The following SAMD5 variants were observed in gnomAD, a reference collection of about 807,000 sequenced individuals.
SAMD5 encodes sterile alpha motif domain-containing protein 5.
In SAMD5, 13 loss-of-function variants were observed where a neutral mutation model predicts 11.3. That is an observed-to-expected ratio of 1.15 (90% CI 0.75 to 1.83). The LOEUF is 1.83. Ranked by LOEUF, SAMD5 falls within the 40% of genes most tolerant of loss-of-function variation. SAMD5 has a pLI of 0.00. For missense variants in SAMD5, 255 were observed against 239.1 expected (o/e 1.07, Z -0.44); for synonymous variants, 129 against 111.3 (o/e 1.16, Z -1.00).
intron 1 of SAMD5, among the ~76,000 whole-genome samples, chr6:147,535,919 C>A (rs936823921): frequency 3.9e-5 from 6 of 152,086 alleles, no homozygotes; most frequent in Non-Finnish European, 8.8e-5. Flanking sequence ...TTAATTGGCT[C>A]TGTAAGTCAA....
At chr6:147,660,826 C>G (rs1306085149) in intron 1 of SAMD5, 1 of 152,196 alleles carries the variant, frequency 6.6e-6, no homozygotes, top group Non-Finnish European at 1.5e-5. Flanking sequence ...AACCGTGAGT[C>G]GGTTAAACCT....
chr6:147,883,553 T>G, the SAMD5 span, among the ~76,000 whole-genome samples: 1 of 117,302 alleles, frequency 8.5e-6, no homozygotes, highest in Non-Finnish European at 1.6e-5. Context: ...TGTAAATCCT[T>G]TCTATTTCTT....
intron 1 of SAMD5, among the ~76,000 whole-genome samples, chr6:147,593,741 C>G (rs1789489593): frequency 6.6e-6 from 1 of 152,170 alleles, no homozygotes; most frequent in African/African-American, 2.4e-5. Flanking sequence ...CTTGAATTTG[C>G]TTTCCTTCTC....
At position 147,565,372 on chromosome 6, in the gene SAMD5, A is replaced by G; in HGVS notation, c.*916A>G. 1 of 985,810 alleles carries G rather than the reference A, an allele frequency of 1.0e-6. No individual in the cohort carries two copies. The allele number at this position is 985,810 out of a possible 1,614,324, so 61.1% of individuals were successfully genotyped here. On this transcript the variant is annotated 3_prime_UTR_variant, in exon 2 of 2. Coordinates refer to ENST00000367474, the MANE Select transcript of SAMD5 (RefSeq NM_001030060.3). ...CCCTGTAGAACTACGGCTGAAAAAG[A>G]AAGTAGATTGAGGTGGGGGGAGGAA...
chr6:147,610,032 C>T (rs897428197), intron 1 of SAMD5, among the ~76,000 whole-genome samples: 1 of 152,028 alleles, frequency 6.6e-6, no homozygotes, highest in African/African-American at 2.4e-5. Flanking sequence ...AGCCACGAAC[C>T]AAGTATGAAG....
chr6:147,649,404 A>G (rs899775296), intron 1 of SAMD5, among the ~76,000 whole-genome samples: 1 of 152,222 alleles, frequency 6.6e-6, no homozygotes, highest in African/African-American at 2.4e-5. Context: ...GAAAATTCAC[A>G]TGAAATGAAT....
At chr6:147,647,898 G>A (rs563464816) in intron 1 of SAMD5, among the ~76,000 whole-genome samples, 2 of 152,300 alleles carry the variant, frequency 1.3e-5, no homozygotes, top group South Asian at 4.1e-4. Context: ...TTAGGTAACA[G>A]AGTGTTGATG....
the SAMD5 span, among the ~76,000 whole-genome samples, chr6:147,902,256 T>C: frequency 6.6e-6 from 1 of 152,180 alleles, no homozygotes; most frequent in Non-Finnish European, 1.5e-5. Context: ...CATTCAAAAA[T>C]GCTATGTATC....
At chr6:147,669,386 TGTAGCCATTCAGTTGCATCTTCAA>T (rs1489689917) in intron 1 of SAMD5, among the ~76,000 whole-genome samples, 2 of 151,654 alleles carry the variant, frequency 1.3e-5, no homozygotes, top group Non-Finnish European at 2.9e-5. Context: ...ATCGTGAGCT[TGTAGCCATTCAGTTGCATCTTCAA>T]GCTCCACTTC....
At chr6:147,735,102 G>A (rs1470636053) in intron 1 of SAMD5, among the ~76,000 whole-genome samples, 1 of 152,210 alleles carries the variant, frequency 6.6e-6, no homozygotes, top group South Asian at 2.1e-4. Context: ...TTTATGAAAT[G>A]AAAGCCTGTT....
the SAMD5 span, among the ~76,000 whole-genome samples, chr6:147,788,475 T>A: frequency 1.3e-5 from 2 of 152,218 alleles, no homozygotes; most frequent in Non-Finnish European, 2.9e-5. Flanking sequence ...TATAGATGTT[T>A]TTAAATGTGG....
chr6:147,686,041 T>C (rs1791006489), intron 1 of SAMD5, among the ~76,000 whole-genome samples: 1 of 152,238 alleles, frequency 6.6e-6, no homozygotes, highest in African/African-American at 2.4e-5. Context: ...TTTGTGTATA[T>C]CAAAGCCATG....
intron 1 of SAMD5, among the ~76,000 whole-genome samples, chr6:147,603,958 A>G (rs1453055733): frequency 6.6e-6 from 1 of 152,180 alleles, no homozygotes; most frequent in Non-Finnish European, 1.5e-5. Context: ...TCTAGAAGAC[A>G]TTCTATCTTA....
At chr6:147,791,182 C>G in the SAMD5 span, among the ~76,000 whole-genome samples, 1 of 152,048 alleles carries the variant, frequency 6.6e-6, no homozygotes, top group Non-Finnish European at 1.5e-5. Context: ...GTAATCCCAG[C>G]TACTTGACAG....
intron 1 of SAMD5, among the ~76,000 whole-genome samples, chr6:147,510,667 G>A (rs1340439061): frequency 6.6e-6 from 1 of 152,178 alleles, no homozygotes; most frequent in Non-Finnish European, 1.5e-5. Flanking sequence ...AATACCTAAG[G>A]TAGATGGGAA....
intron 1 of SAMD5, among the ~76,000 whole-genome samples, chr6:147,637,358 G>A (rs1246315680): frequency 2.0e-5 from 3 of 152,138 alleles, no homozygotes; most frequent in African/African-American, 7.2e-5. Context: ...GTGAACTTGT[G>A]GACAAGTATG....
At position 147,644,344 on chromosome 6, in the gene SAMD5, C is replaced by T. The variant is rs372779984; in HGVS notation, c.163-92973C>T. ...GGACCTGGGAAATATAATTCCAAGA[C>T]GCATTAGAGATAAATGGACAAAGAC... On this transcript the variant is annotated intron_variant, in intron 1 of 1. Coordinates refer to the SAMD5 transcript ENST00000566741. 2.9e-4 allele frequency among the ~76,000 whole-genome samples: 44 copies of T among 152,196 alleles called. No individual in the cohort carries two copies. The South Asian group carries it at 5.6e-3, about 19-fold the overall frequency.
chr6:147,519,396 G>A (rs1220295151), intron 1 of SAMD5, among the ~76,000 whole-genome samples: 1 of 152,076 alleles, frequency 6.6e-6, no homozygotes, highest in African/African-American at 2.4e-5. Flanking sequence ...ATTAAACACA[G>A]GAATACCTTT....
At chr6:147,759,824 G>A in the SAMD5 span, among the ~76,000 whole-genome samples, 23 of 152,026 alleles carry the variant, frequency 1.5e-4, no homozygotes, top group Non-Finnish European at 2.4e-4. Flanking sequence ...TAAGACCAAA[G>A]CACAAATAGA....
Sources: gnomAD v4.1 joint callset for allele counts (sites outside exome capture counted in the v4.1 genomes callset) on GRCh38, gnomAD v4.1.1 for gene constraint, MANE v1.5 for transcripts, NCBI Gene and HGNC (gene_info 2026-07-23, HGNC 2026-07-21) for gene names.